Variants in DHRSX observed in about 807,000 individuals in gnomAD.
DHRSX encodes the protein polyprenol dehydrogenase.
A neutral mutation model predicts 34.0 loss-of-function variants in DHRSX; 31 were observed. The observed-to-expected ratio is 0.91, with a 90% CI of 0.69 to 1.23. The LOEUF (loss-of-function observed/expected upper bound fraction) is 1.23, where lower values mean the gene tolerates loss of function less well. Among genes scored for constraint, DHRSX ranks in the 50% most tolerant of loss-of-function variants. The pLI is 0.00. For missense variants in DHRSX, 414 were observed against 428.1 expected (o/e 0.97, Z 0.29); for synonymous variants, 201 against 183.8 (o/e 1.09, Z -0.76).
intron 5 of DHRSX, among the ~76,000 whole-genome samples, chrX:2,249,191 CTT>C (rs541852639): frequency 5.0e-4 from 59 of 118,858 alleles, no homozygotes; most frequent in East Asian, 6.9e-4. Flanking sequence ...AATCATAAAT[CTT>C]TTTTTTTTTT....
intron 3 of DHRSX, among the ~76,000 whole-genome samples, chrX:2,359,393 A>G (rs1173134031): frequency 2.0e-5 from 3 of 152,164 alleles, no homozygotes; most frequent in Non-Finnish European, 4.4e-5. Flanking sequence ...AATATGGTAC[A>G]TAGGCCAGGT....
At chrX:2,271,626 G>A (rs1353093246) in intron 4 of DHRSX, among the ~76,000 whole-genome samples, 1 of 152,010 alleles carries the variant, frequency 6.6e-6, no homozygotes, top group Non-Finnish European at 1.5e-5. Flanking sequence ...TATCAATCAG[G>A]GTCCAGTATC....
intron 3 of DHRSX, among the ~76,000 whole-genome samples, chrX:2,353,903 T>C (rs2042817485): frequency 6.6e-6 from 1 of 152,074 alleles, no homozygotes; most frequent in Admixed American, 6.6e-5. Context: ...CAGCAAATTA[T>C]ATGTATGCAC....
At chrX:2,420,492 A>G (rs1477773699) in intron 2 of DHRSX, among the ~76,000 whole-genome samples, 1 of 151,142 alleles carries the variant, frequency 6.6e-6, no homozygotes, top group Non-Finnish European at 1.5e-5. Context: ...CGCCTGTAAT[A>G]CCAGCATTTT....
At chrX:2,318,318 C>T (rs767070266) in intron 3 of DHRSX, among the ~76,000 whole-genome samples, 11 of 151,408 alleles carry the variant, frequency 7.3e-5, no homozygotes, top group African/African-American at 2.7e-4. Flanking sequence ...CCACTGCACT[C>T]CAGCCTGGGC....
In DHRSX at chrX:2,272,649, C is replaced by T. The variant is rs182144021; in HGVS notation, c.389-5702G>A. ...GACTGAGCACCTTCAGCCTGACATG[C>T]TGGAGAGGCCCCAGGTACCTGTTCT... On this transcript the variant is annotated intron_variant, in intron 4 of 6. Transcript: ENST00000334651. Among the ~76,000 whole-genome samples the T allele has an allele frequency of 2.4e-3, 362 of 152,186 alleles. 5 individuals are homozygous for T. Among genetic ancestry groups the T allele is most frequent in the Admixed American group, 0.021 (314 of 15,278 alleles).
At chrX:2,267,497 A>C (rs2041490760) in intron 4 of DHRSX, among the ~76,000 whole-genome samples, 1 of 151,064 alleles carries the variant, frequency 6.6e-6, no homozygotes, top group African/African-American at 2.4e-5. Flanking sequence ...GTGAGCTGAG[A>C]TCATGCCACT....
intron 3 of DHRSX, among the ~76,000 whole-genome samples, chrX:2,300,230 T>C (rs992179714): frequency 2.0e-5 from 3 of 152,148 alleles, no homozygotes; most frequent in Admixed American, 6.5e-5. Context: ...GACATCGTTA[T>C]AGACTGAGCC....
At chrX:2,273,070 C>T (rs1245291007) in intron 4 of DHRSX, among the ~76,000 whole-genome samples, 1 of 152,056 alleles carries the variant, frequency 6.6e-6, no homozygotes, top group Non-Finnish European at 1.5e-5. Flanking sequence ...GTCAGGAGTT[C>T]GAGAGCAGCC....
At chrX:2,287,889 T>C (rs1488091760) in intron 4 of DHRSX, among the ~76,000 whole-genome samples, 2 of 152,110 alleles carry the variant, frequency 1.3e-5, no homozygotes, top group Non-Finnish European at 2.9e-5. Flanking sequence ...ACCCCAGAGA[T>C]GCCCACAACC....
At chrX:2,405,432 G>C (rs1451913755) in intron 3 of DHRSX, among the ~76,000 whole-genome samples, 1 of 152,006 alleles carries the variant, frequency 6.6e-6, no homozygotes, top group Non-Finnish European at 1.5e-5. Context: ...AGGTTGCAGT[G>C]AGCCGAGATC....
intron 3 of DHRSX, among the ~76,000 whole-genome samples, chrX:2,351,386 A>ATTT (rs2042787281): frequency 6.6e-6 from 1 of 152,216 alleles, no homozygotes; most frequent in South Asian, 2.1e-4. Flanking sequence ...GTCTTTAAAT[A>ATTT]AAAACACCTG....
chrX:2,357,267 C>G (rs915643685), intron 3 of DHRSX, among the ~76,000 whole-genome samples: 1 of 151,866 alleles, frequency 6.6e-6, no homozygotes, highest in African/African-American at 2.4e-5. Context: ...AAAAGTTACA[C>G]ATGGATTTTT....
chrX:2,314,475 A>AGGAAGGAAGGGGAGGAGGG (rs2042215968), intron 3 of DHRSX, among the ~76,000 whole-genome samples: 1 of 65,826 alleles, frequency 1.5e-5, no homozygotes, highest in African/African-American at 1.1e-4. Context: ...GGGGAGAAGG[A>AGGAAGGAAGGGGAGGAGGG]AGGAAGGAAG....
intron 4 of DHRSX, among the ~76,000 whole-genome samples, chrX:2,268,529 C>CTA (rs2041505502): frequency 1.3e-5 from 2 of 152,096 alleles, no homozygotes; most frequent in Admixed American, 1.3e-4. Context: ...AGATATATGC[C>CTA]TATAGAGATA....
intron 3 of DHRSX, among the ~76,000 whole-genome samples, chrX:2,386,304 C>T (rs1318369919): frequency 6.6e-6 from 1 of 152,052 alleles, no homozygotes; most frequent in East Asian, 1.9e-4. Context: ...CTACAACCTC[C>T]ACCTCCCAGG....
At chrX:2,316,765 T>C (rs1194542052) in intron 3 of DHRSX, among the ~76,000 whole-genome samples, 1 of 152,186 alleles carries the variant, frequency 6.6e-6, no homozygotes, top group East Asian at 1.9e-4. Context: ...CTGCTCAAGG[T>C]CATCGCCAAG....
In DHRSX at chrX:2,389,009, A is replaced by C. The variant is rs182980506; in HGVS notation, c.286+19736T>G. Among the ~76,000 whole-genome samples the C allele has an allele frequency of 6.2e-3, 945 of 152,340 alleles. 31 individuals carry two copies. The East Asian group carries it at 0.093, about 15-fold the overall frequency. On this transcript the variant is annotated intron_variant, in intron 3 of 6. Transcript: ENST00000334651. ...ACCGACACGGTGACCTCAGACATGT[A>C]GCCTCTACAGCTGTGAGAGAATAAG...
In DHRSX at chrX:2,436,491, TTATTATTAC is replaced by T. The variant is rs1204733304; in HGVS notation, c.110-11196_110-11188del. Among the ~76,000 whole-genome samples the T allele has an allele frequency of 7.9e-4, 105 of 133,400 alleles. 1 individual carries two copies. Among genetic ancestry groups the T allele is most frequent in the Middle Eastern group, 7.9e-3 (2 of 254 alleles). 87.5% of individuals were successfully genotyped at this position (133,400 alleles called of 152,430 possible). A position where few individuals can be genotyped will look rare whatever the true frequency, so the allele number is the denominator to read the frequency against. On this transcript the variant is annotated intron_variant, in intron 1 of 6. Coordinates refer to ENST00000334651, the MANE Select transcript of DHRSX (RefSeq NM_145177.3). ...ATTATTATTATTATTATTATTATTA[TTATTATTAC>T]TACTACTACTACTGATAGGGTCTTG... is the stretch of plus-strand genomic sequence containing the variant.
Sources: gnomAD v4.1 joint callset for allele counts (sites outside exome capture counted in the v4.1 genomes callset) on GRCh38, gnomAD v4.1.1 for gene constraint, MANE v1.5 for transcripts, NCBI Gene and HGNC (gene_info 2026-07-23, HGNC 2026-07-21) for gene names.